The following PCSK5 variants were observed in gnomAD, a reference collection of about 807,000 sequenced individuals.
The protein encoded by PCSK5 is proprotein convertase subtilisin/kexin type 5, also known as prohormone convertase 5.
A neutral mutation model predicts 233.2 loss-of-function variants in PCSK5; 129 were observed. That is an observed-to-expected ratio of 0.55 (90% CI 0.48 to 0.64). The LOEUF is 0.64. Ranked by LOEUF, PCSK5 falls within the 30% of genes least tolerant of loss-of-function variation. The pLI is 0.00. For synonymous variants in PCSK5, 825 were observed against 879.2 expected (o/e 0.94, Z 1.09); for missense variants, 2,076 against 2,430.1 (o/e 0.85, Z 3.06).
chr9:75,954,007 C>A (rs565763017), intron 2 of PCSK5, among the ~76,000 whole-genome samples: 9 of 152,242 alleles, frequency 5.9e-5, no homozygotes, highest in African/African-American at 1.4e-4. Flanking sequence ...CCTTTGTATT[C>A]ACATTCACAC....
chr9:76,329,094 C>T (rs1352238895), intron 33 of PCSK5, among the ~76,000 whole-genome samples: 1 of 151,234 alleles, frequency 6.6e-6, no homozygotes, highest in Non-Finnish European at 1.5e-5. Context: ...GCTGGGATTA[C>T]AGGTGTGAGC....
intron 2 of PCSK5, among the ~76,000 whole-genome samples, chr9:75,944,847 C>T (rs1040505190): frequency 6.6e-5 from 10 of 152,134 alleles, no homozygotes; most frequent in Non-Finnish European, 8.8e-5. Flanking sequence ...CGGTGGCTCA[C>T]GCCTGTAATC....
intron 37 of PCSK5, among the ~76,000 whole-genome samples, chr9:76,356,931 T>A (rs1303743126): frequency 6.6e-6 from 1 of 152,224 alleles, no homozygotes; most frequent in South Asian, 2.1e-4. Context: ...CAAATATTTA[T>A]GAAAAACCTA....
chr9:76,106,627 C>G (rs140561570), intron 8 of PCSK5, among the ~76,000 whole-genome samples: 153 of 152,366 alleles, frequency 1.0e-3, no homozygotes, highest in Non-Finnish European at 1.9e-3. Flanking sequence ...ATCAAGTACA[C>G]TGGCTTCAGC....
chr9:76,084,502 T>A (rs1297483255), intron 7 of PCSK5, among the ~76,000 whole-genome samples: 2 of 152,230 alleles, frequency 1.3e-5, no homozygotes, highest in Non-Finnish European at 2.9e-5. Flanking sequence ...ATTAATCAGT[T>A]ATCAATAACA....
chr9:76,082,320 A>T (rs1245512379), intron 7 of PCSK5, among the ~76,000 whole-genome samples: 2 of 152,220 alleles, frequency 1.3e-5, no homozygotes, highest in Non-Finnish European at 2.9e-5. Context: ...AGTCCTAAAT[A>T]GGAAAATGAT....
In PCSK5 at chr9:75,891,068, G is replaced by A. The variant is rs1466394061; in HGVS notation, c.-114G>A. On this transcript the variant is annotated 5_prime_UTR_variant, in exon 1 of 38. Transcript: ENST00000674117. ...TCCTGCCGATCGCCCGGGGCTGCGAGCTGCGGCGGCCCGGGGCTGCTCGCC... is the reference window on the plus strand; with the variant it reads ...TCCTGCCGATCGCCCGGGGCTGCGAACTGCGGCGGCCCGGGGCTGCTCGCC... The A allele has an allele frequency of 6.0e-6, 6 of 995,004 alleles. No individual in the cohort carries two copies. Among genetic ancestry groups the A allele is most frequent in the Non-Finnish European group, 8.1e-6 (6 of 744,090 alleles). 61.6% of individuals were successfully genotyped at this position (995,004 alleles called of 1,614,324 possible). A position where few individuals can be genotyped will look rare whatever the true frequency, so the allele number is the denominator to read the frequency against.
intron 37 of PCSK5, among the ~76,000 whole-genome samples, chr9:76,356,791 G>T (rs1830313930): frequency 6.6e-6 from 1 of 152,122 alleles, no homozygotes; most frequent in African/African-American, 2.4e-5. Flanking sequence ...TAAGCAAAAA[G>T]CATTGCACCT....
Position 76,046,160 on chromosome 9 carries a change from G to GTTTTTTTTTTTTTTT in PCSK5, c.632+19144_632+19158dup, listed in dbSNP as rs71372041. Among the ~76,000 whole-genome samples the GTTTTTTTTTTTTTTT allele has an allele frequency of 3.6e-4, 21 of 58,038 alleles. 7 individuals are homozygous for GTTTTTTTTTTTTTTT. Among genetic ancestry groups the GTTTTTTTTTTTTTTT allele is most frequent in the East Asian group, 2.0e-3 (4 of 1,976 alleles). 38.1% of individuals were successfully genotyped at this position (58,038 alleles called of 152,430 possible). A position where few individuals can be genotyped will look rare whatever the true frequency, so the allele number is the denominator to read the frequency against. ...GCATTAACACATAATTTTTTCTTTT[G>GTTTTTTTTTTTTTTT]TTTTTTTTTTTTTTTTTTTTTTTTT... On this transcript the variant is annotated intron_variant, in intron 5 of 37. Transcript: ENST00000674117.
At position 75,902,214 on chromosome 9, in the gene PCSK5, T is replaced by TAAAAAAAAAAA. The variant is rs200579439; in HGVS notation, c.192+10860_192+10870dup. Among the ~76,000 whole-genome samples the TAAAAAAAAAAA allele has an allele frequency of 3.2e-3, 169 of 53,224 alleles. 5 individuals carry two copies. The highest frequency in any genetic ancestry group is 4.6e-3 in the Admixed American group (21 of 4,536). 34.9% of individuals were successfully genotyped at this position (53,224 alleles called of 152,430 possible). A position where few individuals can be genotyped will look rare whatever the true frequency, so the allele number is the denominator to read the frequency against. ...CTGGGTGACAGAGTGAGACACCATC[T>TAAAAAAAAAAA]AAAAAAAAAAAAAAAAAAAAAAAAA... On this transcript the variant is annotated intron_variant, in intron 1 of 37. Coordinates refer to ENST00000674117, the MANE Select transcript of PCSK5 (RefSeq NM_001372043.1).
chr9:76,345,182 A>ATTATT lies in PCSK5; in HGVS notation c.4967-5617_4967-5613dup, dbSNP rs59974258. On this transcript the variant is annotated intron_variant, in intron 35 of 37. Coordinates refer to ENST00000674117, the MANE Select transcript of PCSK5 (RefSeq NM_001372043.1). Reference sequence around the variant, plus strand: ...GTCTATTGTTCCCTTATTTTATTTTATTATTTTATTTTATTTTATTTTATT... The same window carrying ATTATT: ...GTCTATTGTTCCCTTATTTTATTTTATTATTTTATTTTATTTTATTTTATTTTATT... 1.0e-2 allele frequency among the ~76,000 whole-genome samples: 1,508 copies of ATTATT among 150,892 alleles called. 24 individuals are homozygous for ATTATT. The highest frequency in any genetic ancestry group is 0.029 in the African/African-American group (1,174 of 40,990).
intron 1 of PCSK5, among the ~76,000 whole-genome samples, chr9:75,903,261 A>G (rs1288113508): frequency 6.6e-6 from 1 of 152,146 alleles, no homozygotes; most frequent in African/African-American, 2.4e-5. Flanking sequence ...TCTATCACAT[A>G]TAACATTTTT....
chr9:76,351,455 A>G lies in PCSK5; in HGVS notation c.5067+527A>G, dbSNP rs1201077749. 5.5e-3 allele frequency among the ~76,000 whole-genome samples: 156 copies of G among 28,264 alleles called. 6 individuals carry two copies. Among genetic ancestry groups the G allele is most frequent in the African/African-American group, 0.017 (142 of 8,268 alleles). The allele number at this position is 28,264 out of a possible 152,430, so 18.5% of individuals were successfully genotyped here. ...CTGCAATGTGAAAGAAAGGAAAGAAAGAAAGAAAGAAAGAAAGAAAGAAAG... is the reference window on the plus strand; with the variant it reads ...CTGCAATGTGAAAGAAAGGAAAGAAGGAAAGAAAGAAAGAAAGAAAGAAAG... On this transcript the variant is annotated intron_variant, in intron 36 of 37. Transcript: ENST00000674117.
chr9:76,117,351 TAAAAC>T (rs527711797), intron 9 of PCSK5, among the ~76,000 whole-genome samples: 3 of 151,830 alleles, frequency 2.0e-5, no homozygotes, highest in Admixed American at 1.3e-4. Context: ...AAGGAAAAAA[TAAAAC>T]AAAGCATTAT....
chr9:76,191,340 A>T (rs1475954347), intron 20 of PCSK5, among the ~76,000 whole-genome samples: 8 of 152,188 alleles, frequency 5.3e-5, no homozygotes, highest in African/African-American at 1.9e-4. Context: ...CATTGTCAGG[A>T]GAATGTGGAC....
chr9:75,952,373 A>G (rs1824901373), intron 2 of PCSK5, among the ~76,000 whole-genome samples: 1 of 152,162 alleles, frequency 6.6e-6, no homozygotes, highest in Non-Finnish European at 1.5e-5. Context: ...TTTCTACTCC[A>G]TTGTCTCCAT....
rs1199356110 is a variant in PCSK5 at position 76,189,627 on chromosome 9, A to G, written c.2511-4A>G. The G allele has an allele frequency of 1.3e-6, 2 of 1,589,902 alleles. No homozygotes were observed. Among genetic ancestry groups the G allele is most frequent in the Non-Finnish European group, 1.7e-6 (2 of 1,158,202 alleles). On this transcript the variant is annotated splice_region_variant and splice_polypyrimidine_tract_variant and intron_variant, in intron 19 of 37. Transcript: ENST00000674117. ...GATTAAAAAATTGTACATTTTTCTCATAGATGTGATATCAGTTGTTTGACG... is the reference window on the plus strand; with the variant it reads ...GATTAAAAAATTGTACATTTTTCTCGTAGATGTGATATCAGTTGTTTGACG...
intron 22 of PCSK5, among the ~76,000 whole-genome samples, chr9:76,237,647 G>T (rs965420616): frequency 6.6e-6 from 1 of 151,544 alleles, no homozygotes; most frequent in Non-Finnish European, 1.5e-5. Flanking sequence ...ATGGTGGCAC[G>T]CACCTGTGGT....
chr9:76,192,245 C>T (rs552704415), intron 20 of PCSK5, among the ~76,000 whole-genome samples: 3 of 152,156 alleles, frequency 2.0e-5, no homozygotes, highest in East Asian at 1.9e-4. Flanking sequence ...TTGCTAAAAG[C>T]GGAGTGTCAG....
Sources: gnomAD v4.1 joint callset for allele counts (sites outside exome capture counted in the v4.1 genomes callset) on GRCh38, gnomAD v4.1.1 for gene constraint, MANE v1.5 for transcripts, NCBI Gene and HGNC (gene_info 2026-07-23, HGNC 2026-07-21) for gene names.